The following COL18A1 variants were observed in gnomAD, a reference collection of about 807,000 sequenced individuals.
COL18A1 encodes collagen type XVIII alpha 1 chain, also known as collagen alpha-1(XVIII) chain.
COL18A1 carries 133 observed loss-of-function variants against 168.0 expected under a neutral mutation model. The ratio of observed to expected loss-of-function variants is 0.79; its 90% CI spans 0.69 to 0.91. The LOEUF (loss-of-function observed/expected upper bound fraction) is 0.91, where lower values mean the gene tolerates loss of function less well. Among genes scored for constraint, COL18A1 ranks in the 40% least tolerant of loss-of-function variants. COL18A1 has a pLI of 0.00. For missense variants in COL18A1, 2,126 were observed against 1,925.4 expected, an observed-to-expected ratio of 1.10 and a Z score of -1.95; for synonymous variants, 949 against 809.0, an observed-to-expected ratio of 1.17 and a Z score of -2.94.
At chr21:45,486,067 C>A (rs1235495906) in intron 15 of COL18A1, among the ~76,000 whole-genome samples, 2 of 152,238 alleles carry the variant, frequency 1.3e-5, no homozygotes, top group African/African-American at 4.8e-5. Flanking sequence ...TCACGCCCCC[C>A]ACACCGGGCT....
Position 45,512,629 on chromosome 21 carries a change from T to C in COL18A1, c.*231T>C, listed in dbSNP as rs1223930073. ...ACATTCACCTGCCCCAACTCTCCCCTGACCTGTGAGCCCAGCTGGGTCAGG... is the reference window on the plus strand; with the variant it reads ...ACATTCACCTGCCCCAACTCTCCCCCGACCTGTGAGCCCAGCTGGGTCAGG... On this transcript the variant is annotated 3_prime_UTR_variant, in exon 42 of 42. Coordinates refer to ENST00000651438, the MANE Select transcript of COL18A1 (RefSeq NM_001379500.1). The C allele has an allele frequency of 5.1e-6, 3 of 584,874 alleles. No individual in the cohort carries two copies. Among genetic ancestry groups the C allele is most frequent in the Non-Finnish European group, 9.1e-6 (3 of 329,076 alleles). The allele number at this position is 584,874 out of a possible 1,614,324, so 36.2% of individuals were successfully genotyped here.
intron 32 of COL18A1, among the ~76,000 whole-genome samples, chr21:45,499,049 A>T (rs977249776): frequency 6.6e-6 from 1 of 152,216 alleles, no homozygotes; most frequent in Non-Finnish European, 1.5e-5. Flanking sequence ...AAAGCCAAGG[A>T]AGGCTCAGAG....
Position 45,511,183 on chromosome 21 carries a change from A to G in COL18A1, c.3766A>G (p.Ile1256Val). Residue 1256 changes from isoleucine (I) to valine (V), a missense_variant, in exon 41 of 42, where the codon ATC becomes GTC. Physicochemically the swap from Ile to Val is conservative, Grantham distance 29. Transcript: ENST00000651438. ...SEGPLKPGAR[I>V]FSFDGKDVLR... Reference sequence around the variant, plus strand: ...GGGTCCGCTGAAGCCCGGGGCACGCATCTTCTCCTTTGACGGCAAGGACGT... The same window carrying G: ...GGGTCCGCTGAAGCCCGGGGCACGCGTCTTCTCCTTTGACGGCAAGGACGT... 1 of 1,600,346 alleles carries G rather than the reference A, an allele frequency of 6.2e-7. No individual in the cohort carries two copies. Among genetic ancestry groups the G allele is most frequent in the Non-Finnish European group, 8.5e-7 (1 of 1,173,390 alleles).
At chr21:45,441,737 G>A (rs1412679346) in intron 2 of COL18A1, among the ~76,000 whole-genome samples, 3 of 152,368 alleles carry the variant, frequency 2.0e-5, no homozygotes, top group Non-Finnish European at 2.9e-5. Flanking sequence ...GCATGGCGCC[G>A]GGTCAGCTCT....
At chr21:45,468,037 C>T (rs2035277692) in intron 2 of COL18A1, among the ~76,000 whole-genome samples, 3 of 152,330 alleles carry the variant, frequency 2.0e-5, no homozygotes, top group Admixed American at 1.3e-4. Context: ...TGCATGGAGC[C>T]TGCCTGTCGT....
chr21:45,421,104 T>G, intron 2 of COL18A1: 1 of 258,476 alleles, frequency 3.9e-6, no homozygotes, highest in South Asian at 3.8e-5. Context: ...CCCTGCCCGG[T>G]ACCGGGTCAG....
intron 2 of COL18A1, among the ~76,000 whole-genome samples, chr21:45,440,293 C>G (rs1414144375): frequency 6.6e-6 from 1 of 152,248 alleles, no homozygotes. Context: ...TCTCACAGCC[C>G]CTTAGCTTCT....
At chr21:45,504,150 C>G in intron 33 of COL18A1, 96 bp downstream of exon 33, 1 of 1,410,998 alleles carries the variant, frequency 7.1e-7, no homozygotes, top group Non-Finnish European at 1.0e-6. Context: ...GCCCAAGCCC[C>G]CTTCCTGTTC....
In COL18A1 at chr21:45,498,370, C is replaced by T. The variant is rs538929209; in HGVS notation, c.2683+709C>T. 1,328 of 667,540 alleles carry T rather than the reference C, an allele frequency of 2.0e-3. 27 individuals are homozygous for T. In the South Asian group the frequency reaches 0.021, roughly 10 times the overall value. The allele number at this position is 667,540 out of a possible 1,614,324, so 41.4% of individuals were successfully genotyped here. On this transcript the variant is annotated intron_variant, in intron 32 of 41. Transcript: ENST00000651438. This position sits in a 1 kb window ranked among gnomAD's most constrained non-coding sequence, Gnocchi z 4.5. ...CCGCCAGGGTTCCCTCTCGCCACCA[C>T]GGTCCCCTCTCGCCGCCAGGGTCCC...
chr21:45,496,182 A>C (rs2036537904), intron 29 of COL18A1: 1 of 529,652 alleles, frequency 1.9e-6, no homozygotes, highest in African/African-American at 1.9e-5. Context: ...CTTTTGAGCC[A>C]AGAGCTTTGT....
intron 24 of COL18A1, 128 bp downstream of exon 24, chr21:45,492,841 C>T (rs1297076456): frequency 2.5e-6 from 2 of 804,608 alleles, no homozygotes; most frequent in Non-Finnish European, 4.2e-6. Flanking sequence ...AGTCACTGCC[C>T]CCAAGGAAAT....
rs1170994529 is a variant in COL18A1, at chr21:45,505,243, CA to C, written c.2979del (p.Pro996LeufsTer35). ...GGCCCTCCCGGCCCCCCAGGCCCCC[CA>C]GGGCCCCCTTCATTTCCTGGCCCTC... ...RQGPPGPPGP[P>X]GPPSFPGPHR... is the part of the protein sequence containing the mutation. On this transcript the variant is annotated frameshift_variant, in exon 35 of 42. Coordinates refer to ENST00000651438, the MANE Select transcript of COL18A1 (RefSeq NM_001379500.1). LOFTEE classifies it high-confidence loss of function. The C allele has an allele frequency of 5.6e-6, 9 of 1,603,068 alleles. No homozygotes were observed. The highest frequency in any genetic ancestry group is 5.4e-5 in the African/African-American group (4 of 74,736).
intron 3 of COL18A1, among the ~76,000 whole-genome samples, chr21:45,469,382 C>T (rs958732103): frequency 1.9e-4 from 29 of 152,352 alleles, no homozygotes; most frequent in African/African-American, 6.5e-4. Flanking sequence ...GCTGCACACC[C>T]GCTGGGACCA....
At chr21:45,431,670 T>G (rs990149432) in intron 2 of COL18A1, among the ~76,000 whole-genome samples, 3 of 151,888 alleles carry the variant, frequency 2.0e-5, no homozygotes, top group African/African-American at 4.8e-5. Flanking sequence ...AGTGGTGATG[T>G]TCTGGAGGGC....
At chr21:45,480,945 C>G in intron 13 of COL18A1, 87 bp downstream of exon 13, 2 of 1,514,516 alleles carry the variant, frequency 1.3e-6, no homozygotes. Flanking sequence ...CCTGCCCCGC[C>G]TCAGGCCTCC....
intron 2 of COL18A1, among the ~76,000 whole-genome samples, chr21:45,418,034 G>C (rs922057752): frequency 6.6e-6 from 1 of 152,204 alleles, no homozygotes. Context: ...GCAGGTGCCT[G>C]TTCGTTAACG....
rs547601441 is a variant in COL18A1, at chr21:45,455,399, G to C, written c.107-12843G>C. ...GTGCCTTCTTTCCTTCTGCAAGAGT[G>C]GGGGGTGGAAGACAGCCGGCCAGAG... On this transcript the variant is annotated intron_variant, in intron 2 of 41. Coordinates refer to ENST00000651438, the MANE Select transcript of COL18A1 (RefSeq NM_001379500.1). The C allele has an allele frequency of 8.5e-5, 109 of 1,280,590 alleles. 1 individual carries two copies. The Middle Eastern group carries it at 1.1e-3, about 13-fold the overall frequency. The allele number at this position is 1,280,590 out of a possible 1,614,324, so 79.3% of individuals were successfully genotyped here. A position where few individuals can be genotyped will look rare whatever the true frequency, so the allele number is the denominator to read the frequency against.
At chr21:45,495,872 CAT>C (rs2036521339) in intron 29 of COL18A1, 1 of 319,002 alleles carries the variant, frequency 3.1e-6, no homozygotes, top group South Asian at 2.7e-5. Context: ...CACGTATCCA[CAT>C]GTGTATCCAC....
intron 22 of COL18A1, among the ~76,000 whole-genome samples, chr21:45,492,274 G>A (rs891500124): frequency 1.3e-5 from 2 of 152,192 alleles, no homozygotes; most frequent in East Asian, 1.9e-4. Context: ...GCAAGGGAGC[G>A]TCTAGCAGAG....
Sources: allele counts gnomAD v4.1 joint callset (sites outside exome capture counted in the v4.1 genomes callset), GRCh38; gene constraint gnomAD v4.1.1; non-coding constraint Gnocchi (gnomAD v3.1); transcripts MANE v1.5; gene names NCBI Gene and HGNC (gene_info 2026-07-23, HGNC 2026-07-21).